MICAL2: variants seen among roughly 807,000 people sequenced by gnomAD.
The protein encoded by MICAL2 is [F-actin]-monooxygenase MICAL2.
A neutral mutation model predicts 127.3 loss-of-function variants in MICAL2; 77 were observed. The observed-to-expected ratio is 0.60, with a 90% CI of 0.50 to 0.73. MICAL2 has a LOEUF of 0.73. Ranked by LOEUF, MICAL2 falls within the 30% of genes least tolerant of loss-of-function variation. The probability of loss-of-function intolerance (pLI) is 0.00; values close to 1 mark genes in which losing one functional copy is unlikely to be tolerated. For missense variants in MICAL2, 1,351 were observed against 1,434.4 expected (o/e 0.94, Z 0.94); for synonymous variants, 570 against 551.1 (o/e 1.03, Z -0.48).
chr11:12,245,003 A>C (rs1860530305), intron 21 of MICAL2, among the ~76,000 whole-genome samples: 1 of 152,192 alleles, frequency 6.6e-6, no homozygotes, highest in African/African-American at 2.4e-5. Context: ...TAGTTAATGA[A>C]ATGCACTCAC....
chr11:12,168,208 C>T lies in MICAL2; in HGVS notation c.264+5789C>T, dbSNP rs553673510. Among the ~76,000 whole-genome samples, 796 of 150,720 alleles carry T rather than the reference C, an allele frequency of 5.3e-3. 11 individuals carry two copies. The highest frequency in any genetic ancestry group is 0.017 in the Middle Eastern group (5 of 286). On this transcript the variant is annotated intron_variant, in intron 3 of 27. Transcript: ENST00000683283. ...CACCATACATACACATACAGTTAGT[C>T]ACACATATACACACATACACACACC...
chr11:12,346,841 T>C (rs7113079), intron 32 of MICAL2, among the ~76,000 whole-genome samples: 11,358 of 152,268 alleles, frequency 0.075, 657 homozygotes, highest in African/African-American at 0.15. Flanking sequence ...TGGTTGCTCA[T>C]ACATTCATTC....
chr11:12,294,763 G>A (rs1427341225), downstream of MICAL2: 1 of 1,611,798 alleles, frequency 6.2e-7, no homozygotes, highest in Non-Finnish European at 8.5e-7. Context: ...AGAAGCTGCT[G>A]CAGCCTTTCA....
At chr11:12,153,052 C>G (rs1397893560) in intron 2 of MICAL2, among the ~76,000 whole-genome samples, 1 of 151,752 alleles carries the variant, frequency 6.6e-6, no homozygotes, top group Admixed American at 6.6e-5. Flanking sequence ...TGTTTTGAGG[C>G]AGGCTCTTGT....
chr11:12,220,104 T>C, intron 8 of MICAL2, 97 bp from the exon 9 acceptor site: 1 of 1,440,134 alleles, frequency 6.9e-7, no homozygotes, highest in African/African-American at 1.4e-5. Flanking sequence ...CTAGCCTCAC[T>C]GTAGGGACCC....
intron 1 of MICAL2, among the ~76,000 whole-genome samples, chr11:12,116,042 G>A (rs541772963): frequency 3.9e-4 from 58 of 150,122 alleles, no homozygotes; most frequent in Non-Finnish European, 6.2e-4. Flanking sequence ...GTGCAGTGGG[G>A]CCATCTTGGC....
intron 3 of MICAL2, among the ~76,000 whole-genome samples, chr11:12,170,286 C>CA (rs1239134349): frequency 1.3e-5 from 2 of 151,906 alleles, no homozygotes; most frequent in Non-Finnish European, 2.9e-5. Context: ...CCCGTCTATA[C>CA]AAAAAATAGA....
Position 12,339,667 on chromosome 11 carries a change from T to A in MICAL2, c.5516-10171T>A, listed in dbSNP as rs1033621363. On this transcript the variant is annotated intron_variant, in intron 32 of 34. Coordinates refer to the MICAL2 transcript ENST00000646065. ...TGTTTGTTAGTTTTCCTTCTAACAG[T>A]CAGGACCCTCAGCTGCAGGTCTGTT... Among the ~76,000 whole-genome samples the A allele has an allele frequency of 4.6e-5, 7 of 152,212 alleles. 1 individual carries two copies. The highest frequency in any genetic ancestry group is 7.3e-5 in the Non-Finnish European group (5 of 68,032).
intron 34 of MICAL2, among the ~76,000 whole-genome samples, chr11:12,356,409 C>T (rs1038865875): frequency 1.3e-5 from 2 of 152,224 alleles, no homozygotes; most frequent in Non-Finnish European, 2.9e-5. Flanking sequence ...CCCCTCCCTT[C>T]TCTGTCTCTC....
downstream of MICAL2, among the ~76,000 whole-genome samples, chr11:12,264,574 T>A (rs1863532859): frequency 6.6e-6 from 1 of 151,438 alleles, no homozygotes; most frequent in Admixed American, 6.5e-5. Context: ...GTAGCTGGGC[T>A]TCTGACAGTG....
intron 32 of MICAL2, among the ~76,000 whole-genome samples, chr11:12,342,465 T>C (rs1267920217): frequency 6.6e-6 from 1 of 152,260 alleles, no homozygotes; most frequent in Non-Finnish European, 1.5e-5. Flanking sequence ...AAATAAAGTT[T>C]AGCCATGTAT....
At chr11:12,281,807 G>A (rs4757332) in intron 2 of MICAL2, among the ~76,000 whole-genome samples, 60,240 of 152,018 alleles carry the variant, frequency 0.4, 12,844 homozygotes, top group East Asian at 0.79. Context: ...CTTACTAAGA[G>A]GTAGCTGTCT....
At chr11:12,138,507 T>A (rs901285) in intron 2 of MICAL2, 47 bp downstream of exon 2, 1 of 152,162 alleles carries the variant, frequency 6.6e-6, no homozygotes, top group Non-Finnish European at 1.5e-5. Context: ...GAGTAGCTCC[T>A]GGGGGCTGGT....
chr11:12,122,672 G>A (rs1214045184), intron 1 of MICAL2, among the ~76,000 whole-genome samples: 2 of 152,172 alleles, frequency 1.3e-5, no homozygotes, highest in Non-Finnish European at 2.9e-5. Flanking sequence ...GCTTCCCAAA[G>A]TGCTGGGATT....
At chr11:12,301,620 T>C (rs1028206585) in intron 29 of MICAL2, among the ~76,000 whole-genome samples, 3 of 152,178 alleles carry the variant, frequency 2.0e-5, no homozygotes, top group African/African-American at 7.2e-5. Context: ...TGAGCTCAAC[T>C]TCAATTTCTA....
chr11:12,193,367 C>T (rs1316650940), intron 3 of MICAL2, among the ~76,000 whole-genome samples: 1 of 152,214 alleles, frequency 6.6e-6, no homozygotes, highest in African/African-American at 2.4e-5. Flanking sequence ...CCTTGTTGAC[C>T]TTAGAGCAAT....
intron 11 of MICAL2, 95 bp from the exon 12 acceptor site, chr11:12,223,316 G>T: frequency 9.5e-7 from 1 of 1,057,900 alleles, no homozygotes; most frequent in Non-Finnish European, 1.4e-6. Context: ...GGAAAATGGT[G>T]GCAGGCACTG....
intron 1 of MICAL2, among the ~76,000 whole-genome samples, chr11:12,134,808 A>G (rs942312753): frequency 6.6e-6 from 1 of 151,058 alleles, no homozygotes; most frequent in Non-Finnish European, 1.5e-5. Context: ...TAGTCAATAT[A>G]GCAAGAGCTT....
At chr11:12,288,936 G>C (rs1267193388), downstream of MICAL2, among the ~76,000 whole-genome samples, 1 of 152,214 alleles carries the variant, frequency 6.6e-6, no homozygotes, top group Non-Finnish European at 1.5e-5. Flanking sequence ...GAAAACCTCA[G>C]GGAGCAGGGC....
Sources: gnomAD v4.1 joint callset for allele counts (sites outside exome capture counted in the v4.1 genomes callset) on GRCh38, gnomAD v4.1.1 for gene constraint, MANE v1.5 for transcripts, NCBI Gene and HGNC (gene_info 2026-07-23, HGNC 2026-07-21) for gene names.